The following CPSF3 variants were observed in gnomAD, a reference collection of about 807,000 sequenced individuals.
The protein encoded by CPSF3 is cleavage and polyadenylation specificity factor subunit 3.
CPSF3 carries 57 observed loss-of-function variants against 84.1 expected under a neutral mutation model. The ratio of observed to expected loss-of-function variants is 0.68; its 90% CI spans 0.55 to 0.85. CPSF3 has a LOEUF of 0.85. Among genes scored for constraint, CPSF3 ranks in the 40% least tolerant of loss-of-function variants. The pLI, the probability that CPSF3 is intolerant of heterozygous loss-of-function variation, is 0.00. For synonymous variants in CPSF3, 275 were observed against 278.1 expected (o/e 0.99, Z 0.11); for missense variants, 522 against 838.8 (o/e 0.62, Z 4.66).
At chr2:9,430,595 C>T (rs1191477483) in intron 3 of CPSF3, among the ~76,000 whole-genome samples, 157 bp from the exon 4 acceptor site, 4 of 152,222 alleles carry the variant, frequency 2.6e-5, no homozygotes, top group African/African-American at 9.7e-5. Context: ...GTATGCATTA[C>T]TTCTTCCTTC....
At chr2:9,466,243 CGCACGCGCACACACGCACACAA>C (rs1681918923) in intron 15 of CPSF3, among the ~76,000 whole-genome samples, 2 of 138,154 alleles carry the variant, frequency 1.4e-5, no homozygotes, top group Non-Finnish European at 3.2e-5. Context: ...CGTGCGCGCA[CGCACGCGCACACACGCACACAA>C]AGACGCACGC....
At chr2:9,470,316 A>T (rs755130940) in intron 16 of CPSF3, among the ~76,000 whole-genome samples, 2 of 152,220 alleles carry the variant, frequency 1.3e-5, no homozygotes, top group Non-Finnish European at 2.9e-5. Flanking sequence ...CTGCCTGAAG[A>T]TGCAAGGAGT....
chr2:9,454,505 G>T (rs1335190660), intron 12 of CPSF3, among the ~76,000 whole-genome samples: 1 of 149,344 alleles, frequency 6.7e-6, no homozygotes, highest in Non-Finnish European at 1.5e-5. Context: ...TGTCTGACTT[G>T]TGCCTTCATT....
At chr2:9,434,917 T>C (rs558253830) in intron 6 of CPSF3, among the ~76,000 whole-genome samples, 5 of 152,326 alleles carry the variant, frequency 3.3e-5, no homozygotes, top group African/African-American at 2.4e-5. Context: ...TGCCCAGGCA[T>C]GTGGGCCAGT....
At chr2:9,436,074 T>C (rs762714794) in intron 6 of CPSF3, 137 bp from the exon 7 acceptor site, 117 of 719,886 alleles carry the variant, frequency 1.6e-4, no homozygotes, top group Non-Finnish European at 2.2e-4. Flanking sequence ...ATTACTATTA[T>C]GACAACACAT....
rs12988020 is a variant in CPSF3, at chr2:9,466,364, G to A, written c.1787-1343G>A. On this transcript the variant is annotated intron_variant, in intron 15 of 17. Transcript: ENST00000238112. ...CACGCGCGCGCGCGCACACACACAC[G>A]CACACACCCACGCACTCGCACACAC... Among the ~76,000 whole-genome samples the A allele has an allele frequency of 2.3e-3, 316 of 137,850 alleles. 6 individuals carry two copies. The highest frequency in any genetic ancestry group is 0.015 in the East Asian group (73 of 4,756). The allele number at this position is 137,850 out of a possible 152,430, so 90.4% of individuals were successfully genotyped here.
intron 16 of CPSF3, among the ~76,000 whole-genome samples, chr2:9,469,713 T>C (rs1250804414): frequency 6.6e-6 from 1 of 151,988 alleles, no homozygotes. Context: ...ATGAGACAGC[T>C]TCCATTCGGC....
chr2:9,434,528 CCT>C (rs1427270566), intron 6 of CPSF3, among the ~76,000 whole-genome samples: 5 of 152,218 alleles, frequency 3.3e-5, no homozygotes, highest in South Asian at 4.2e-4. Context: ...CTGGCTATGC[CCT>C]CTCTCTGTCT....
chr2:9,457,411 A>T (rs747177203), intron 14 of CPSF3, among the ~76,000 whole-genome samples: 9 of 152,192 alleles, frequency 5.9e-5, no homozygotes, highest in Non-Finnish European at 1.2e-4. Context: ...TTAAATTAAA[A>T]CAAACTTAGG....
At position 9,473,057 on chromosome 2, in the gene CPSF3, C is replaced by T; in HGVS notation, c.*40C>T. 7.0e-7 allele frequency: 1 copy of T among 1,419,354 alleles called. No homozygotes were observed. The highest frequency in any genetic ancestry group is 2.3e-5 in the East Asian group (1 of 43,686). The allele number at this position is 1,419,354 out of a possible 1,614,324, so 87.9% of individuals were successfully genotyped here. On this transcript the variant is annotated 3_prime_UTR_variant, in exon 18 of 18. Transcript: ENST00000238112. ...ATGAACTTTGAAAAAATACTTGACT[C>T]TACTTTTGTTACCTAAAATAAAATG...
intron 11 of CPSF3, among the ~76,000 whole-genome samples, chr2:9,452,103 C>T (rs1681353553): frequency 6.6e-6 from 1 of 151,990 alleles, no homozygotes; most frequent in African/African-American, 2.4e-5. Context: ...CCGAGGTGGG[C>T]AGATCATCTG....
At chr2:9,431,378 G>A (rs935921293) in intron 4 of CPSF3, among the ~76,000 whole-genome samples, 2 of 151,902 alleles carry the variant, frequency 1.3e-5, no homozygotes, top group African/African-American at 4.8e-5. Context: ...AGCTTTTTGT[G>A]TCCTTTTAAA....
chr2:9,469,563 G>A (rs928091217), intron 16 of CPSF3, among the ~76,000 whole-genome samples: 1 of 152,170 alleles, frequency 6.6e-6, no homozygotes, highest in Non-Finnish European at 1.5e-5. Flanking sequence ...AGGGCAGTCT[G>A]CGGGAGGCTG....
rs1461403756 is a variant in CPSF3 at position 9,423,742 on chromosome 2, C to T, written c.-32C>T. On this transcript the variant is annotated 5_prime_UTR_variant, in exon 1 of 18. Transcript: ENST00000238112. ...TTTAGGAAGACCCCGGCGACCTGTT[C>T]CTCACCCCCGCTTCGCCCTCACACT... is the stretch of plus-strand genomic sequence containing the variant. 6.2e-7 allele frequency: 1 copy of T among 1,611,108 alleles called. No individual in the cohort carries two copies. The highest frequency in any genetic ancestry group is 8.5e-7 in the Non-Finnish European group (1 of 1,178,800).
At chr2:9,466,364 G>GCACACACC (rs1406838294) in intron 15 of CPSF3, among the ~76,000 whole-genome samples, 2 of 137,768 alleles carry the variant, frequency 1.5e-5, no homozygotes, top group Non-Finnish European at 3.1e-5. Context: ...ACACACACAC[G>GCACACACC]CACACACCCA....
intron 11 of CPSF3, among the ~76,000 whole-genome samples, chr2:9,449,371 AGCTGC>A (rs1681238119): frequency 6.6e-6 from 1 of 152,148 alleles, no homozygotes; most frequent in Non-Finnish European, 1.5e-5. Flanking sequence ...GGTTGCGGTG[AGCTGC>A]GATCGCGCCA....
chr2:9,466,262 A>G (rs1407364481), intron 15 of CPSF3, among the ~76,000 whole-genome samples: 1,262 of 47,068 alleles, frequency 0.027, 17 homozygotes, highest in African/African-American at 0.056. Context: ...ACACACGCAC[A>G]CAAAGACGCA....
At chr2:9,435,751 G>A (rs1464805991) in intron 6 of CPSF3, among the ~76,000 whole-genome samples, 1 of 149,488 alleles carries the variant, frequency 6.7e-6, no homozygotes, top group Admixed American at 6.7e-5. Context: ...TTATTTTTTT[G>A]AGATGGAGTC....
chr2:9,465,368 C>A (rs564964869), intron 15 of CPSF3, among the ~76,000 whole-genome samples: 1 of 152,042 alleles, frequency 6.6e-6, no homozygotes, highest in Non-Finnish European at 1.5e-5. Flanking sequence ...CACTTGAGCC[C>A]AGGAGTTCAA....
Sources: gnomAD v4.1 joint callset for allele counts (sites outside exome capture counted in the v4.1 genomes callset) on GRCh38, gnomAD v4.1.1 for gene constraint, MANE v1.5 for transcripts, NCBI Gene and HGNC (gene_info 2026-07-23, HGNC 2026-07-21) for gene names.